Variants in ANKS1B observed in about 807,000 individuals in gnomAD.
The protein encoded by ANKS1B is ankyrin repeat and sterile alpha motif domain containing 1B, also known as ankyrin repeat and sterile alpha motif domain-containing protein 1B.
ANKS1B carries 36 observed loss-of-function variants against 148.3 expected under a neutral mutation model. The ratio of observed to expected loss-of-function variants is 0.24; its 90% CI spans 0.19 to 0.32. The LOEUF (loss-of-function observed/expected upper bound fraction) is 0.32. Among genes scored for constraint, ANKS1B ranks in the 10% least tolerant of loss-of-function variants. ANKS1B has a pLI of 1.00. For synonymous variants in ANKS1B, 542 were observed against 560.8 expected (o/e 0.97, Z 0.47); for missense variants, 1,157 against 1,542.6 (o/e 0.75, Z 4.19).
At chr12:99,210,383 AT>A (rs1296498836) in intron 14 of ANKS1B, among the ~76,000 whole-genome samples, 2 of 152,056 alleles carry the variant, frequency 1.3e-5, no homozygotes, top group African/African-American at 2.4e-5. Context: ...TATGCCTACC[AT>A]TTTTTGCTCA....
intron 12 of ANKS1B, among the ~76,000 whole-genome samples, chr12:99,350,278 C>T (rs891183436): frequency 6.6e-6 from 1 of 152,028 alleles, no homozygotes; most frequent in African/African-American, 2.4e-5. Context: ...GCTTCCTGTA[C>T]AGCCTGTGGA....
chr12:99,757,077 A>ATAATGGACAGTCACTATACTT (rs2061637369), intron 8 of ANKS1B, among the ~76,000 whole-genome samples: 1 of 152,170 alleles, frequency 6.6e-6, no homozygotes, highest in Admixed American at 6.5e-5. Flanking sequence ...AAGCAACTAC[A>ATAATGGACAGTCACTATACTT]ACAAAAGCAA....
At chr12:99,948,336 AAAAAAGAAGGATG>A (rs2095124126) in intron 1 of ANKS1B, among the ~76,000 whole-genome samples, 1 of 152,110 alleles carries the variant, frequency 6.6e-6, no homozygotes, top group South Asian at 2.1e-4. Context: ...CCATAGCAAA[AAAAAAGAAGGATG>A]CCTTTTATTG....
intron 19 of ANKS1B, among the ~76,000 whole-genome samples, chr12:98,819,122 A>G (rs1245649918): frequency 6.6e-6 from 1 of 152,240 alleles, no homozygotes; most frequent in African/African-American, 2.4e-5. Context: ...TCACTGATAT[A>G]CTGAGTGGCA....
At chr12:98,770,463 T>A (rs1431005357) in intron 25 of ANKS1B, among the ~76,000 whole-genome samples, 2 of 152,256 alleles carry the variant, frequency 1.3e-5, no homozygotes, top group Non-Finnish European at 2.9e-5. Context: ...AAACCCTGAA[T>A]GAAATGGCTT....
In ANKS1B at chr12:98,842,093, T is replaced by A. The variant is rs968740552; in HGVS notation, c.2779-9957A>T. ...CTAGCAACTCCTAGCTAAAAATGAA[T>A]ACATATGCCCACATAAAGATGTGTA... On this transcript the variant is annotated intron_variant, in intron 17 of 26. Coordinates refer to ENST00000683438, the MANE Select transcript of ANKS1B (RefSeq NM_001352186.2). Among the ~76,000 whole-genome samples, 5 of 152,276 alleles carry A rather than the reference T, an allele frequency of 3.3e-5. No individual in the cohort carries two copies. The East Asian group carries it at 9.6e-4, about 29-fold the overall frequency.
intron 22 of ANKS1B, among the ~76,000 whole-genome samples, chr12:98,782,375 T>A (rs553102227): frequency 6.6e-6 from 1 of 152,350 alleles, no homozygotes; most frequent in South Asian, 2.1e-4. Flanking sequence ...TTCTGTTTAC[T>A]GCACCGCACA....
chr12:98,766,885 G>A (rs1041989793), intron 25 of ANKS1B, among the ~76,000 whole-genome samples: 47 of 152,016 alleles, frequency 3.1e-4, no homozygotes, highest in Non-Finnish European at 5.9e-4. Context: ...TGCAATCACA[G>A]CTCAGTGTCT....
At chr12:99,900,583 CAA>C (rs1220640682) in intron 1 of ANKS1B, among the ~76,000 whole-genome samples, 11 of 149,708 alleles carry the variant, frequency 7.3e-5, no homozygotes, top group Admixed American at 7.3e-4. Context: ...AGCATTTATT[CAA>C]AGAGCTATAA....
At chr12:99,128,954 T>A (rs2065241602) in intron 15 of ANKS1B, among the ~76,000 whole-genome samples, 1 of 152,200 alleles carries the variant, frequency 6.6e-6, no homozygotes, top group African/African-American at 2.4e-5. Context: ...GTGAGTAGAA[T>A]GGCCTATGTC....
At chr12:99,228,150 G>A (rs567882312) in intron 14 of ANKS1B, among the ~76,000 whole-genome samples, 2 of 152,224 alleles carry the variant, frequency 1.3e-5, no homozygotes, top group South Asian at 4.1e-4. Context: ...TTTCAAATGA[G>A]GAAATTGAGG....
chr12:98,885,721 T>TAA (rs1353563404), intron 17 of ANKS1B, among the ~76,000 whole-genome samples: 1 of 152,208 alleles, frequency 6.6e-6, no homozygotes, highest in Non-Finnish European at 1.5e-5. Context: ...TGGAGACATT[T>TAA]AACACAAGTT....
chr12:98,886,955 G>T (rs1315477725), intron 17 of ANKS1B, among the ~76,000 whole-genome samples: 1 of 151,970 alleles, frequency 6.6e-6, no homozygotes, highest in Non-Finnish European at 1.5e-5. Flanking sequence ...TCGAAAAAAA[G>T]AAACAAAAAG....
At chr12:99,760,735 CA>C (rs1178120609) in intron 8 of ANKS1B, among the ~76,000 whole-genome samples, 1 of 150,620 alleles carries the variant, frequency 6.6e-6, no homozygotes. Context: ...AAAATTCATA[CA>C]AAAAAATCTA....
At chr12:99,692,875 A>T (rs568291690) in intron 8 of ANKS1B, among the ~76,000 whole-genome samples, 2 of 152,288 alleles carry the variant, frequency 1.3e-5, no homozygotes, top group East Asian at 3.9e-4. Flanking sequence ...CTGAATGGTG[A>T]TATCAGGTTA....
intron 17 of ANKS1B, among the ~76,000 whole-genome samples, chr12:98,960,799 A>G (rs2099870080): frequency 6.6e-6 from 1 of 152,186 alleles, no homozygotes; most frequent in African/African-American, 2.4e-5. Flanking sequence ...GATACATTTA[A>G]CAAAGAGATT....
chr12:98,951,126 A>G (rs1315876523), intron 17 of ANKS1B, among the ~76,000 whole-genome samples: 2 of 152,124 alleles, frequency 1.3e-5, no homozygotes, highest in Non-Finnish European at 2.9e-5. Flanking sequence ...GTTTAGAACA[A>G]TTGCTCCAAC....
At chr12:99,593,727 C>T (rs2097727521) in intron 9 of ANKS1B, among the ~76,000 whole-genome samples, 1 of 152,078 alleles carries the variant, frequency 6.6e-6, no homozygotes, top group African/African-American at 2.4e-5. Flanking sequence ...GCCTATCTTA[C>T]TTCAAAGAAT....
chr12:98,850,913 A>T (rs1290171616), intron 17 of ANKS1B, among the ~76,000 whole-genome samples: 1 of 152,216 alleles, frequency 6.6e-6, no homozygotes, highest in African/African-American at 2.4e-5. Flanking sequence ...TTAACTAGGC[A>T]CAGAGTTCTA....
Sources: allele counts gnomAD v4.1 joint callset (sites outside exome capture counted in the v4.1 genomes callset), GRCh38; gene constraint gnomAD v4.1.1; transcripts MANE v1.5; gene names NCBI Gene and HGNC (gene_info 2026-07-23, HGNC 2026-07-21).